SERPINE2: variants seen among roughly 807,000 people sequenced by gnomAD.
SERPINE2 encodes the protein glia-derived nexin.
SERPINE2 carries 14 observed loss-of-function variants against 36.3 expected under a neutral mutation model. The ratio of observed to expected loss-of-function variants is 0.39; its 90% CI spans 0.25 to 0.60. SERPINE2 has a LOEUF of 0.60. Ranked by LOEUF, SERPINE2 falls within the 20% of genes least tolerant of loss-of-function variation. The pLI is 0.57. For synonymous variants in SERPINE2, 192 were observed against 191.8 expected (o/e 1.00, Z -0.01); for missense variants, 418 against 499.6 (o/e 0.84, Z 1.56).
chr2:224,000,220 C>A (rs1023753031), intron 2 of SERPINE2, among the ~76,000 whole-genome samples: 1 of 152,136 alleles, frequency 6.6e-6, no homozygotes, highest in Admixed American at 6.5e-5. Flanking sequence ...TTGTTTCCAA[C>A]GAAGGGAGCA....
At position 223,992,009 on chromosome 2, in the gene SERPINE2, C is replaced by T. The variant is rs747223489; in HGVS notation, c.488-9G>A. ...CAGATTGTCAATCATATCTGTGAAG[C>T]CAAAGAACAAACAAGGGAAAAATAA... On this transcript the variant is annotated splice_polypyrimidine_tract_variant and intron_variant, in intron 3 of 8. Coordinates refer to ENST00000409304, the MANE Select transcript of SERPINE2 (RefSeq NM_001136528.2). 5 of 1,613,128 alleles carry T rather than the reference C, an allele frequency of 3.1e-6. No homozygotes were observed. In the South Asian group the frequency reaches 3.3e-5, roughly 11 times the overall value.
intron 1 of SERPINE2, among the ~76,000 whole-genome samples, chr2:224,028,156 C>G (rs1220521902): frequency 3.3e-5 from 5 of 152,218 alleles, no homozygotes; most frequent in Non-Finnish European, 7.3e-5. Flanking sequence ...GACTTGGCAT[C>G]TGGAGAGGTA....
At chr2:224,035,358 T>C (rs864540) in intron 1 of SERPINE2, among the ~76,000 whole-genome samples, 93,031 of 151,850 alleles carry the variant, frequency 0.61, 29,085 homozygotes, top group South Asian at 0.71. Flanking sequence ...GAATGTAAGC[T>C]TCCTATTCCA....
At chr2:223,998,814 G>A (rs1476767724) in intron 2 of SERPINE2, among the ~76,000 whole-genome samples, 1 of 152,200 alleles carries the variant, frequency 6.6e-6, no homozygotes, top group African/African-American at 2.4e-5. Flanking sequence ...GAAAAGGAGG[G>A]AGTGGGGTTA....
intron 2 of SERPINE2, 190 bp downstream of exon 2, chr2:224,001,452 G>A (rs1346245311): frequency 1.7e-6 from 1 of 590,588 alleles, no homozygotes; most frequent in African/African-American, 1.9e-5. Flanking sequence ...CCAGAGTCTA[G>A]TTCTCCTAAC....
At chr2:223,982,879 A>G (rs1374314874) in intron 5 of SERPINE2, 98 bp from the exon 6 acceptor site, 11 of 780,166 alleles carry the variant, frequency 1.4e-5, no homozygotes, top group African/African-American at 5.3e-5. Flanking sequence ...TTTAAAGTTA[A>G]TATCTGAATA....
chr2:224,012,340 T>C (rs1364566576), intron 1 of SERPINE2, among the ~76,000 whole-genome samples: 2 of 152,156 alleles, frequency 1.3e-5, no homozygotes, highest in African/African-American at 2.4e-5. Context: ...CCTTTGGCTG[T>C]TAAGAACCTA....
chr2:224,007,774 A>T (rs953218504), intron 1 of SERPINE2, among the ~76,000 whole-genome samples: 1 of 152,040 alleles, frequency 6.6e-6, no homozygotes, highest in Non-Finnish European at 1.5e-5. Flanking sequence ...TAACCTTGGA[A>T]TTTTTTCTGT....
At chr2:224,022,574 A>C (rs188591902) in intron 1 of SERPINE2, among the ~76,000 whole-genome samples, 44 of 152,318 alleles carry the variant, frequency 2.9e-4, no homozygotes, top group Admixed American at 2.5e-3. Flanking sequence ...TTAGTCCTTT[A>C]GACACTCCCA....
At chr2:223,977,519 A>G (rs1432076450) in intron 8 of SERPINE2, 25 bp downstream of exon 8, 3 of 1,438,342 alleles carry the variant, frequency 2.1e-6, no homozygotes, top group Admixed American at 3.3e-5. Flanking sequence ...CAGAGAGGGC[A>G]TGATGGAAGA....
intron 1 of SERPINE2, among the ~76,000 whole-genome samples, chr2:224,003,835 T>C (rs917318675): frequency 6.6e-6 from 1 of 152,014 alleles, no homozygotes; most frequent in Non-Finnish European, 1.5e-5. Flanking sequence ...TGTTGTTACG[T>C]GTGGGAGGTT....
At chr2:224,013,493 G>A (rs75023676) in intron 1 of SERPINE2, among the ~76,000 whole-genome samples, 15,475 of 152,180 alleles carry the variant, frequency 0.1, 909 homozygotes, top group East Asian at 0.2. Flanking sequence ...GGGAAGCAGG[G>A]GTTTGGGCTC....
Position 223,975,627 on chromosome 2 carries a change from T to C in SERPINE2, c.*240A>G, listed in dbSNP as rs1473778895. ...AACAGTTCAGTAGTTTAAAGAATCT[T>C]TTAGACATCTGGAAGCCTTTCTATT... On this transcript the variant is annotated 3_prime_UTR_variant, in exon 9 of 9. Coordinates refer to ENST00000409304, the MANE Select transcript of SERPINE2 (RefSeq NM_001136528.2). 1 of 381,786 alleles carries C rather than the reference T, an allele frequency of 2.6e-6. No individual in the cohort carries two copies. The highest frequency in any genetic ancestry group is 2.1e-5 in the African/African-American group (1 of 48,648). 23.6% of individuals were successfully genotyped at this position (381,786 alleles called of 1,614,324 possible).
intron 4 of SERPINE2, among the ~76,000 whole-genome samples, chr2:223,986,320 C>T (rs754063103): frequency 7.9e-5 from 12 of 152,184 alleles, no homozygotes; most frequent in Non-Finnish European, 1.8e-4. Context: ...TCCTGCAGGG[C>T]TGTTCAGTAA....
intron 1 of SERPINE2, among the ~76,000 whole-genome samples, chr2:224,022,632 T>C (rs1692044379): frequency 6.6e-6 from 1 of 152,152 alleles, no homozygotes; most frequent in Non-Finnish European, 1.5e-5. Context: ...GCTGAACCAC[T>C]AAACCTCTTG....
intron 1 of SERPINE2, among the ~76,000 whole-genome samples, chr2:224,028,059 G>C (rs1451848395): frequency 6.6e-6 from 1 of 152,224 alleles, no homozygotes; most frequent in East Asian, 1.9e-4. Flanking sequence ...GGATCGGGTT[G>C]TAAGAGCCAC....
At chr2:223,990,453 A>T (rs1271967006) in intron 4 of SERPINE2, among the ~76,000 whole-genome samples, 1 of 152,138 alleles carries the variant, frequency 6.6e-6, no homozygotes, top group African/African-American at 2.4e-5. Context: ...AAAAACAAAC[A>T]TTTTAAAATC....
chr2:223,986,495 G>GA (rs1246172566), intron 4 of SERPINE2, among the ~76,000 whole-genome samples: 5 of 151,834 alleles, frequency 3.3e-5, no homozygotes, highest in East Asian at 1.9e-4. Context: ...GGGAAAGTGA[G>GA]AAAAAAATCA....
chr2:223,988,100 T>A (rs544365374), intron 4 of SERPINE2, among the ~76,000 whole-genome samples: 3 of 152,074 alleles, frequency 2.0e-5, no homozygotes, highest in Admixed American at 1.3e-4. Flanking sequence ...GTGGCGTAAG[T>A]AACTGGGTGA....
Sources: gnomAD v4.1 joint callset for allele counts (sites outside exome capture counted in the v4.1 genomes callset) on GRCh38, gnomAD v4.1.1 for gene constraint, MANE v1.5 for transcripts, NCBI Gene and HGNC (gene_info 2026-07-23, HGNC 2026-07-21) for gene names.